Variants in RBFOX1 observed in about 807,000 individuals in gnomAD.
The protein encoded by RBFOX1 is RNA binding protein fox-1 homolog 1.
Under a neutral mutation model 57.7 loss-of-function variants are expected in RBFOX1, and 8 were observed. The ratio of observed to expected loss-of-function variants is 0.14; its 90% CI spans 0.08 to 0.25. The LOEUF is 0.25. Among genes scored for constraint, RBFOX1 ranks in the 10% least tolerant of loss-of-function variants. The pLI, the probability that RBFOX1 is intolerant of heterozygous loss-of-function variation, is 1.00. For missense variants in RBFOX1, 611 were observed against 548.5 expected (o/e 1.11, Z -1.14); for synonymous variants, 326 against 222.4 (o/e 1.47, Z -4.15).
At chr16:6,062,263 T>C (rs2095697162) in intron 1 of RBFOX1, among the ~76,000 whole-genome samples, 1 of 149,540 alleles carries the variant, frequency 6.7e-6, no homozygotes. Context: ...ATTCCATCAT[T>C]GGCCATTGGT....
chr16:5,850,486 G>T (rs979253471), intron 3 of RBFOX1, among the ~76,000 whole-genome samples: 1 of 152,192 alleles, frequency 6.6e-6, no homozygotes, highest in Non-Finnish European at 1.5e-5. Flanking sequence ...CTCTAACAAA[G>T]TAGCACTAGT....
intron 4 of RBFOX1, among the ~76,000 whole-genome samples, chr16:5,888,779 A>C (rs570204468): frequency 7.1e-6 from 1 of 140,660 alleles, no homozygotes; most frequent in Non-Finnish European, 1.5e-5. Flanking sequence ...TCTGGGCGAC[A>C]AGAGCGAAAC....
chr16:7,563,545 G>A (rs2090944823), intron 5 of RBFOX1, among the ~76,000 whole-genome samples: 1 of 152,092 alleles, frequency 6.6e-6, no homozygotes, highest in Admixed American at 6.5e-5. Context: ...TCTGCTCACT[G>A]CAACCTCTGC....
chr16:6,798,775 G>T (rs555387158), intron 3 of RBFOX1, among the ~76,000 whole-genome samples: 1 of 152,270 alleles, frequency 6.6e-6, no homozygotes, highest in Admixed American at 6.5e-5. Context: ...TAAAAGTAAA[G>T]TAGATTTAGT....
chr16:6,482,183 T>G (rs1376461419), intron 2 of RBFOX1, among the ~76,000 whole-genome samples: 1 of 152,228 alleles, frequency 6.6e-6, no homozygotes, highest in Non-Finnish European at 1.5e-5. Context: ...AGCCAATGAA[T>G]ATTTCACTCA....
chr16:7,294,360 A>T lies in RBFOX1; in HGVS notation c.28-223787A>T, dbSNP rs182699399. Among the ~76,000 whole-genome samples the T allele has an allele frequency of 2.0e-4, 30 of 152,088 alleles. 1 individual carries two copies. Among genetic ancestry groups the T allele is most frequent in the Admixed American group, 2.0e-3 (30 of 15,254 alleles). On this transcript the variant is annotated intron_variant, in intron 4 of 15. Transcript: ENST00000550418. ...AGTCCATTGTTTCAGGAAGGCTGCT[A>T]TAGGAACTGAAGTTACTTGCTTGCT...
Position 5,329,583 on chromosome 16 carries a change from A to G in RBFOX1, c.219+89478A>G, listed in dbSNP as rs529319868. Among the ~76,000 whole-genome samples the G allele has an allele frequency of 2.6e-5, 4 of 152,370 alleles. No individual in the cohort carries two copies. In the East Asian group the frequency reaches 5.8e-4, roughly 22 times the overall value. On this transcript the variant is annotated intron_variant, in intron 1 of 2. Coordinates refer to the RBFOX1 transcript ENST00000585867. ...AAAAACTGAGGTCCGAAAAACTTAC[A>G]TAATTTATTCAAGTTTACTGTCTTA...
intron 1 of RBFOX1, among the ~76,000 whole-genome samples, chr16:5,298,434 T>TCCCTC (rs1161599667): frequency 1.0e-5 from 1 of 99,134 alleles, no homozygotes; most frequent in African/African-American, 4.2e-5. Flanking sequence ...TCTCTCCCCT[T>TCCCTC]CCCTCCCCTC....
intron 3 of RBFOX1, among the ~76,000 whole-genome samples, chr16:6,772,045 A>G (rs2078383309): frequency 6.6e-6 from 1 of 152,140 alleles, no homozygotes; most frequent in African/African-American, 2.4e-5. Context: ...ATGCTCTAGG[A>G]AAACTATGAG....
chr16:6,028,823 T>C (rs1450774049), intron 1 of RBFOX1, among the ~76,000 whole-genome samples: 1 of 152,182 alleles, frequency 6.6e-6, no homozygotes, highest in Non-Finnish European at 1.5e-5. Flanking sequence ...AATGGGGCTA[T>C]GTTGGAGTCA....
chr16:6,393,672 A>G (rs2092701680), intron 2 of RBFOX1, among the ~76,000 whole-genome samples: 1 of 152,096 alleles, frequency 6.6e-6, no homozygotes, highest in African/African-American at 2.4e-5. Context: ...TTACTTTCTT[A>G]ATACCCCACA....
intron 2 of RBFOX1, among the ~76,000 whole-genome samples, chr16:5,573,932 C>T (rs2046369982): frequency 6.6e-6 from 1 of 152,132 alleles, no homozygotes; most frequent in South Asian, 2.1e-4. Flanking sequence ...CCAACCTGGG[C>T]AACAGAATGA....
intron 1 of RBFOX1, among the ~76,000 whole-genome samples, chr16:6,227,007 C>T (rs938688500): frequency 8.6e-5 from 13 of 151,302 alleles, no homozygotes; most frequent in African/African-American, 2.9e-4. Flanking sequence ...ACCTGTAATG[C>T]CAGCTACTTG....
chr16:6,904,064 G>T (rs539330840), intron 3 of RBFOX1, among the ~76,000 whole-genome samples: 1 of 152,076 alleles, frequency 6.6e-6, no homozygotes, highest in Non-Finnish European at 1.5e-5. Flanking sequence ...ACCCCCATGG[G>T]GGCTGTGCGG....
intron 4 of RBFOX1, among the ~76,000 whole-genome samples, chr16:7,487,222 C>A (rs937353676): frequency 6.6e-6 from 1 of 152,182 alleles, no homozygotes. Flanking sequence ...TTTGAACTTG[C>A]AGTTCCCACT....
intron 2 of RBFOX1, among the ~76,000 whole-genome samples, chr16:6,638,850 G>T (rs1186458622): frequency 1.3e-5 from 2 of 152,134 alleles, no homozygotes; most frequent in Non-Finnish European, 2.9e-5. Flanking sequence ...AGACAATAAA[G>T]GTTGCATTCC....
intron 4 of RBFOX1, among the ~76,000 whole-genome samples, chr16:7,061,630 C>G (rs1298521676): frequency 6.6e-6 from 1 of 152,190 alleles, no homozygotes; most frequent in Non-Finnish European, 1.5e-5. Flanking sequence ...CTTTCCCTTG[C>G]TTTAATTTAG....
At chr16:5,761,551 CA>C (rs1190861330) in intron 3 of RBFOX1, among the ~76,000 whole-genome samples, 1 of 152,176 alleles carries the variant, frequency 6.6e-6, no homozygotes, top group Non-Finnish European at 1.5e-5. Context: ...TCTTACATGG[CA>C]GCAGGTAGGA....
chr16:5,416,254 C>A (rs513239), intron 1 of RBFOX1, among the ~76,000 whole-genome samples: 1 of 152,120 alleles, frequency 6.6e-6, no homozygotes, highest in East Asian at 1.9e-4. Context: ...CATTTGTCTA[C>A]GGTCACACAT....
Sources: gnomAD v4.1 joint callset for allele counts (sites outside exome capture counted in the v4.1 genomes callset) on GRCh38, gnomAD v4.1.1 for gene constraint, MANE v1.5 for transcripts, NCBI Gene and HGNC (gene_info 2026-07-23, HGNC 2026-07-21) for gene names.